The following ERICH1 variants were observed in gnomAD, a reference collection of about 807,000 sequenced individuals.
The protein encoded by ERICH1 is glutamate-rich protein 1.
Under a neutral mutation model 39.6 loss-of-function variants are expected in ERICH1, and 56 were observed. The ratio of observed to expected loss-of-function variants is 1.41; its 90% CI spans 1.14 to 1.77. The LOEUF is 1.77. ERICH1 is among the 40% of genes most tolerant of loss of function. The pLI, the probability that ERICH1 is intolerant of heterozygous loss-of-function variation, is 0.00. For missense variants in ERICH1, 826 were observed against 575.4 expected (o/e 1.44, Z -4.45); for synonymous variants, 313 against 223.6 (o/e 1.40, Z -3.57).
intron 2 of ERICH1, among the ~76,000 whole-genome samples, chr8:710,944 A>C (rs1669620): frequency 0.42 from 63,859 of 152,112 alleles, 14,207 homozygotes; most frequent in East Asian, 0.88. Context: ...AGAAACTACC[A>C]AACTGTCTTC....
intron 3 of ERICH1, among the ~76,000 whole-genome samples, chr8:629,218 C>T (rs1306722157): frequency 6.6e-6 from 1 of 152,172 alleles, no homozygotes; most frequent in Admixed American, 6.5e-5. Context: ...TTTATAGTGG[C>T]AACAAAAATG....
chr8:685,558 A>G (rs986943037), intron 3 of ERICH1, among the ~76,000 whole-genome samples: 6 of 152,222 alleles, frequency 3.9e-5, no homozygotes, highest in Admixed American at 3.9e-4. Flanking sequence ...TGAAATCTTC[A>G]CAATTTATGT....
At chr8:711,465 G>A (rs1028702209) in intron 2 of ERICH1, among the ~76,000 whole-genome samples, 11 of 150,634 alleles carry the variant, frequency 7.3e-5, no homozygotes, top group South Asian at 2.1e-4. Context: ...TCTTCTAACC[G>A]TTTATAGTTT....
At chr8:636,977 G>A (rs536718962) in intron 3 of ERICH1, among the ~76,000 whole-genome samples, 6 of 152,340 alleles carry the variant, frequency 3.9e-5, no homozygotes, top group South Asian at 4.1e-4. Context: ...CTGCAGGGTC[G>A]GAGGGTTGGT....
chr8:650,246 G>A (rs1355017249), intron 3 of ERICH1, among the ~76,000 whole-genome samples: 3 of 152,204 alleles, frequency 2.0e-5, no homozygotes, highest in Admixed American at 1.3e-4. Flanking sequence ...CCTCCGCCAG[G>A]CCGAGTCAGC....
At chr8:661,566 T>C (rs1236901756), downstream of ERICH1, among the ~76,000 whole-genome samples, 1 of 152,230 alleles carries the variant, frequency 6.6e-6, no homozygotes, top group African/African-American at 2.4e-5. Flanking sequence ...AGAAAATAAA[T>C]TACATGAACT....
At position 653,011 on chromosome 8, in the gene ERICH1, C is replaced by T. The variant is rs969211524; in HGVS notation, c.976+15587G>A. Among the ~76,000 whole-genome samples the T allele has an allele frequency of 5.9e-5, 9 of 152,146 alleles. 1 individual carries two copies. The South Asian group carries it at 6.2e-4, about 11-fold the overall frequency. On this transcript the variant is annotated intron_variant, in intron 3 of 3. Transcript: ENST00000522706. ...ATGTGCTGTTGCTGGGAATGAAAAA[C>T]GGTACAGCCATTGTGGAAGACGGGG...
chr8:645,847 C>T lies in ERICH1; in HGVS notation c.976+22751G>A, dbSNP rs1416999176. Among the ~76,000 whole-genome samples the T allele has an allele frequency of 1.2e-4, 8 of 69,142 alleles. 4 individuals carry two copies. Among genetic ancestry groups the T allele is most frequent in the African/African-American group, 2.9e-4 (8 of 27,400 alleles). The allele number at this position is 69,142 out of a possible 152,430, so 45.4% of individuals were successfully genotyped here. A position where few individuals can be genotyped will look rare whatever the true frequency, so the allele number is the denominator to read the frequency against. On this transcript the variant is annotated intron_variant, in intron 3 of 3. Transcript: ENST00000522706. The stretch of plus-strand genomic sequence containing the variant: ...GGTACCTTTCACCACAGCTCTAGCC[C>T]TGCTGTCCACTTCACATCTGGCTCC...
At chr8:659,055 C>A (rs1310784881) in intron 3 of ERICH1, among the ~76,000 whole-genome samples, 2 of 86,640 alleles carry the variant, frequency 2.3e-5, no homozygotes, top group African/African-American at 9.3e-5. Context: ...CACTGAGCAT[C>A]CTGGGGAGGG....
intron 2 of ERICH1, among the ~76,000 whole-genome samples, chr8:701,272 C>T (rs897021332): frequency 2.6e-5 from 4 of 151,528 alleles, no homozygotes; most frequent in Admixed American, 2.6e-4. Flanking sequence ...CACGCCGTAC[C>T]CACGGGTCTG....
intron 3 of ERICH1, among the ~76,000 whole-genome samples, chr8:633,837 C>T (rs1198558427): frequency 6.6e-5 from 10 of 152,180 alleles, no homozygotes; most frequent in Non-Finnish European, 1.5e-4. Context: ...GACATCCACA[C>T]GCAAAGGAAT....
intron 2 of ERICH1, among the ~76,000 whole-genome samples, chr8:695,875 C>T (rs1221408093): frequency 1.5e-5 from 2 of 135,746 alleles, no homozygotes; most frequent in African/African-American, 2.9e-5. Flanking sequence ...CTCTCACCCT[C>T]CACTCCTCTC....
At chr8:636,233 C>G (rs538667982) in intron 3 of ERICH1, among the ~76,000 whole-genome samples, 8 of 152,362 alleles carry the variant, frequency 5.3e-5, no homozygotes, top group Non-Finnish European at 8.8e-5. Context: ...GGCCCTGAGC[C>G]GAGCTGGGCG....
chr8:678,962 C>CA (rs1805476361), intron 3 of ERICH1, among the ~76,000 whole-genome samples: 1 of 152,096 alleles, frequency 6.6e-6, no homozygotes, highest in South Asian at 2.1e-4. Flanking sequence ...TCTGGCCCCT[C>CA]AAAGCTTCAG....
intron 5 of ERICH1, among the ~76,000 whole-genome samples, chr8:665,759 C>T (rs1802122009): frequency 2.0e-5 from 3 of 152,140 alleles, no homozygotes; most frequent in Admixed American, 2.0e-4. Context: ...TGAATGCAGC[C>T]CCCATGACTG....
chr8:631,326 AC>A (rs1324181057), intron 3 of ERICH1, among the ~76,000 whole-genome samples: 3 of 152,212 alleles, frequency 2.0e-5, no homozygotes, highest in South Asian at 2.1e-4. Context: ...GCTGTTCCAG[AC>A]CCAGTGAGGT....
chr8:631,038 C>A (rs575128772), intron 3 of ERICH1, among the ~76,000 whole-genome samples: 30 of 151,784 alleles, frequency 2.0e-4, no homozygotes, highest in African/African-American at 7.2e-4. Context: ...CCTCCCGTGA[C>A]CACCCACCAC....
chr8:708,706 T>G (rs1482324772), intron 2 of ERICH1, among the ~76,000 whole-genome samples: 4 of 82,658 alleles, frequency 4.8e-5, no homozygotes, highest in South Asian at 4.3e-4. Context: ...TTTTTTTTTT[T>G]TTTTTGAGAC....
chr8:686,733 C>A (rs7841473), intron 3 of ERICH1: 13 of 152,180 alleles, frequency 8.5e-5, no homozygotes, highest in Non-Finnish European at 1.3e-4. Context: ...TAGGTAAAGG[C>A]AGCTGAGCAA....
Sources: allele counts gnomAD v4.1 joint callset (sites outside exome capture counted in the v4.1 genomes callset), GRCh38; gene constraint gnomAD v4.1.1; transcripts MANE v1.5; gene names NCBI Gene and HGNC (gene_info 2026-07-23, HGNC 2026-07-21).